KLHL2: variants seen among roughly 807,000 people sequenced by gnomAD.
The protein encoded by KLHL2 is kelch like family member 2, also known as kelch-like protein 2.
Under a neutral mutation model 75.8 loss-of-function variants are expected in KLHL2, and 15 were observed. The observed-to-expected ratio is 0.20, with a 90% CI of 0.13 to 0.30. The LOEUF (loss-of-function observed/expected upper bound fraction) is 0.30. Among genes scored for constraint, KLHL2 ranks in the 10% least tolerant of loss-of-function variants. KLHL2 has a pLI of 1.00. For synonymous variants in KLHL2, 214 were observed against 251.9 expected (o/e 0.85, Z 1.42); for missense variants, 381 against 741.0 (o/e 0.51, Z 5.64).
chr4:165,292,325 TGGGG>T (rs1744578884), intron 5 of KLHL2, among the ~76,000 whole-genome samples: 1 of 146,874 alleles, frequency 6.8e-6, no homozygotes, highest in African/African-American at 2.5e-5. Flanking sequence ...ATAGTTATCT[TGGGG>T]TGAACTTTTT....
Position 165,299,600 on chromosome 4 carries a change from C to A in KLHL2, c.865C>A (p.Arg289Ser), listed in dbSNP as rs1745193012. Residue 289 changes from arginine (R) to serine (S), a missense_variant, in exon 8 of 15, where the codon CGT becomes AGT. By Grantham distance (110) the Arg-to-Ser change is moderately radical (BLOSUM62 -1). Coordinates refer to ENST00000226725, the MANE Select transcript of KLHL2 (RefSeq NM_007246.4). ...GTACCATTTGCTGCCAACAGAGCAG[C>A]GTATATTAATGAAGAGTGTCCGGAC... ...MKYHLLPTEQ[R>S]ILMKSVRTRL... The A allele has an allele frequency of 6.2e-7, 1 of 1,613,820 alleles. No homozygotes were observed. Among genetic ancestry groups the A allele is most frequent in the East Asian group, 2.2e-5 (1 of 44,862 alleles).
chr4:165,278,551 C>G (rs746806975), intron 5 of KLHL2: 21 of 1,611,478 alleles, frequency 1.3e-5, no homozygotes, highest in Non-Finnish European at 1.8e-5. Context: ...CATATAACCC[C>G]GAAAATGCTG....
intron 4 of KLHL2, 80 bp from the exon 5 acceptor site, chr4:165,263,117 C>T: frequency 7.6e-7 from 1 of 1,312,342 alleles, no homozygotes. Context: ...GGCTGAACAT[C>T]TTGTGTCCTA....
chr4:165,310,824 G>A (rs1746103363), intron 10 of KLHL2, 74 bp downstream of exon 10: 3 of 1,217,754 alleles, frequency 2.5e-6, no homozygotes, highest in East Asian at 4.7e-5. Context: ...ATAAATTGTG[G>A]CAACATTAGG....
intron 4 of KLHL2, among the ~76,000 whole-genome samples, chr4:165,262,964 T>C (rs1286094703): frequency 1.3e-5 from 2 of 152,198 alleles, no homozygotes; most frequent in African/African-American, 2.4e-5. Flanking sequence ...TGATATCTCA[T>C]ATTCTTCTGA....
chr4:165,210,058 A>G (rs1737100283), intron 1 of KLHL2: 1 of 1,550,980 alleles, frequency 6.4e-7, no homozygotes, highest in Non-Finnish European at 8.7e-7. Flanking sequence ...AGTGGAAACT[A>G]TTAGGAAGAC....
At chr4:165,297,814 C>A in intron 7 of KLHL2, 89 bp downstream of exon 7, 1 of 838,746 alleles carries the variant, frequency 1.2e-6, no homozygotes, top group Non-Finnish European at 2.1e-6. Flanking sequence ...GTGATAAGAG[C>A]TGTAGAATGC....
intron 9 of KLHL2, among the ~76,000 whole-genome samples, chr4:165,307,560 G>A (rs1043357144): frequency 6.6e-6 from 1 of 152,060 alleles, no homozygotes; most frequent in African/African-American, 2.4e-5. Context: ...GCATTTAGTT[G>A]TCATATCTTC....
chr4:165,226,537 T>A (rs1738451106), intron 2 of KLHL2, among the ~76,000 whole-genome samples: 1 of 152,198 alleles, frequency 6.6e-6, no homozygotes, highest in Non-Finnish European at 1.5e-5. Context: ...CCTATAATTT[T>A]TGCATTGCCA....
At chr4:165,309,802 G>A (rs971024229) in intron 9 of KLHL2, among the ~76,000 whole-genome samples, 5 of 152,000 alleles carry the variant, frequency 3.3e-5, no homozygotes, top group Admixed American at 2.0e-4. Context: ...TAAATTTGCC[G>A]ACCCCTGATT....
chr4:165,241,815 CAATA>C (rs1311420084), intron 4 of KLHL2, among the ~76,000 whole-genome samples: 8 of 152,048 alleles, frequency 5.3e-5, no homozygotes, highest in Non-Finnish European at 8.8e-5. Context: ...TAATTTTAAA[CAATA>C]TAATACCTAT....
intron 7 of KLHL2, among the ~76,000 whole-genome samples, chr4:165,299,246 A>G (rs1433853964): frequency 1.3e-5 from 2 of 152,176 alleles, no homozygotes; most frequent in Non-Finnish European, 1.5e-5. Flanking sequence ...TTCCATAGCT[A>G]ACATTGAAGT....
In KLHL2 at chr4:165,207,736, G is replaced by C; in HGVS notation, c.-141G>C. 2.1e-6 allele frequency: 1 copy of C among 470,342 alleles called. No individual in the cohort carries two copies. The highest frequency in any genetic ancestry group is 6.3e-5 in the South Asian group (1 of 15,780). The allele number at this position is 470,342 out of a possible 1,614,324, so 29.1% of individuals were successfully genotyped here. A position where few individuals can be genotyped will look rare whatever the true frequency, so the allele number is the denominator to read the frequency against. ...GCGGGGGCCGCCGCCGCAGGTGGTG[G>C]CGCGCGGTGAGGAGAGCGCGGCGCC... On this transcript the variant is annotated 5_prime_UTR_variant, in exon 1 of 15. Coordinates refer to ENST00000226725, the MANE Select transcript of KLHL2 (RefSeq NM_007246.4). The surrounding 1 kb of genome is among the most constrained non-coding windows in gnomAD (Gnocchi z 4.2).
chr4:165,264,116 G>A (rs1156531612), intron 5 of KLHL2, among the ~76,000 whole-genome samples: 3 of 151,820 alleles, frequency 2.0e-5, no homozygotes, highest in Admixed American at 2.0e-4. Flanking sequence ...GTTCACAAAT[G>A]TAATCTATAT....
chr4:165,319,529 C>T lies in KLHL2; in HGVS notation c.1753+1560C>T, dbSNP rs1027385493. Among the ~76,000 whole-genome samples the T allele has an allele frequency of 1.3e-5, 2 of 152,122 alleles. No homozygotes were observed. Among genetic ancestry groups the T allele is most frequent in the South Asian group, 2.1e-4 (1 of 4,826 alleles). On this transcript the variant is annotated intron_variant, in intron 14 of 14. Coordinates refer to ENST00000226725, the MANE Select transcript of KLHL2 (RefSeq NM_007246.4). This position sits in a 1 kb window ranked among gnomAD's most constrained non-coding sequence, Gnocchi z 4.5. ...AAAGGAAAAAGGAAATTCATGAAGC[C>T]GTCCCTGCAGCCATCCCAGCAGTTT...
chr4:165,259,918 T>G (rs1183303091), intron 4 of KLHL2, among the ~76,000 whole-genome samples: 1 of 151,674 alleles, frequency 6.6e-6, no homozygotes, highest in Non-Finnish European at 1.5e-5. Context: ...AAGGTTTGAT[T>G]TGATTTGATC....
At chr4:165,321,231 C>T (rs1746953649) in intron 14 of KLHL2, 1 of 455,130 alleles carries the variant, frequency 2.2e-6, no homozygotes, top group Non-Finnish European at 4.4e-6. Context: ...CCCTGCCTTC[C>T]CTTCCACCTC....
intron 10 of KLHL2, among the ~76,000 whole-genome samples, 193 bp downstream of exon 10, chr4:165,310,943 C>A (rs1384638014): frequency 6.6e-6 from 1 of 151,554 alleles, no homozygotes; most frequent in Non-Finnish European, 1.5e-5. Context: ...CAAGCTCCGC[C>A]TGCCGGGTTC....
At chr4:165,258,023 C>G (rs1209444290) in intron 4 of KLHL2, among the ~76,000 whole-genome samples, 2 of 151,938 alleles carry the variant, frequency 1.3e-5, no homozygotes, top group African/African-American at 4.8e-5. Context: ...TGAAGAGACT[C>G]AGGGTTCGGT....
Sources: gnomAD v4.1 joint callset for allele counts (sites outside exome capture counted in the v4.1 genomes callset) on GRCh38, gnomAD v4.1.1 for gene constraint, Gnocchi (gnomAD v3.1) non-coding constraint, MANE v1.5 for transcripts, NCBI Gene and HGNC (gene_info 2026-07-23, HGNC 2026-07-21) for gene names.